The following SCOC variants were observed in gnomAD, a reference collection of about 807,000 sequenced individuals.
SCOC encodes the protein short coiled coil protein.
In SCOC, 7 loss-of-function variants were observed where a neutral mutation model predicts 9.9. That is an observed-to-expected ratio of 0.71 (90% CI 0.40 to 1.33). The LOEUF is 1.33. Ranked by LOEUF, SCOC falls within the 40% of genes most tolerant of loss-of-function variation. SCOC has a pLI of 0.01. For synonymous variants in SCOC, 19 were observed against 28.2 expected, an observed-to-expected ratio of 0.67 and a Z score of 1.03; for missense variants, 66 against 89.7, an observed-to-expected ratio of 0.74 and a Z score of 1.07.
chr4:140,335,780 C>A (rs1262697147), intron 1 of SCOC, among the ~76,000 whole-genome samples: 6 of 152,252 alleles, frequency 3.9e-5, no homozygotes, highest in East Asian at 1.9e-4. Flanking sequence ...GAGATCATGA[C>A]AAAGGGAGTG....
intron 1 of SCOC, among the ~76,000 whole-genome samples, chr4:140,287,168 T>C (rs571634608): frequency 6.8e-6 from 1 of 147,502 alleles, no homozygotes; most frequent in East Asian, 2.0e-4. Flanking sequence ...TGTACATACA[T>C]ATACCATGTA....
intron 1 of SCOC, among the ~76,000 whole-genome samples, chr4:140,269,994 T>A (rs947565473): frequency 3.3e-5 from 5 of 152,164 alleles, no homozygotes; most frequent in Admixed American, 3.3e-4. Flanking sequence ...CAACTGATCC[T>A]CCTGTCTTGG....
intron 1 of SCOC, among the ~76,000 whole-genome samples, chr4:140,285,896 A>G (rs1010622058): frequency 1.3e-5 from 2 of 152,090 alleles, no homozygotes; most frequent in Non-Finnish European, 2.9e-5. Context: ...GAATGCTTAC[A>G]TTGCTGGGCT....
At chr4:140,323,496 T>C (rs1254804027) in intron 1 of SCOC, among the ~76,000 whole-genome samples, 2 of 152,126 alleles carry the variant, frequency 1.3e-5, no homozygotes, top group Non-Finnish European at 2.9e-5. Context: ...CTGGTTAAGC[T>C]GGCCAAGAAA....
rs556165999 is a variant in SCOC at position 140,301,518 on chromosome 4, C to A, written c.-18-42103C>A. 8.5e-5 allele frequency among the ~76,000 whole-genome samples: 13 copies of A among 152,294 alleles called. No individual in the cohort carries two copies. In the East Asian group the frequency reaches 2.1e-3, roughly 25 times the overall value. Reference sequence around the variant, plus strand: ...ATTCACCCCATAGATGGCAGTGGTACCAGATGCTGGCTCCAGAGATTCATG... The same window carrying A: ...ATTCACCCCATAGATGGCAGTGGTAACAGATGCTGGCTCCAGAGATTCATG... On this transcript the variant is annotated intron_variant, in intron 1 of 4. Transcript: ENST00000394205.
chr4:140,294,572 G>C (rs1039331256), intron 1 of SCOC, among the ~76,000 whole-genome samples: 6 of 152,176 alleles, frequency 3.9e-5, no homozygotes, highest in African/African-American at 1.4e-4. Flanking sequence ...GAGGAAATGA[G>C]TCCAAATATT....
chr4:140,303,970 C>T (rs1731888308), intron 1 of SCOC, among the ~76,000 whole-genome samples: 1 of 152,208 alleles, frequency 6.6e-6, no homozygotes, highest in Non-Finnish European at 1.5e-5. Context: ...TTGTGCTGTG[C>T]TAGCCTCTTT....
At chr4:140,352,855 A>G (rs565948331) in intron 2 of SCOC, among the ~76,000 whole-genome samples, 2 of 152,202 alleles carry the variant, frequency 1.3e-5, no homozygotes, top group Non-Finnish European at 2.9e-5. Flanking sequence ...TCTCATGTTA[A>G]ATTTGTACAA....
chr4:140,306,300 T>G (rs1731982879), intron 1 of SCOC, among the ~76,000 whole-genome samples: 1 of 152,082 alleles, frequency 6.6e-6, no homozygotes, highest in African/African-American at 2.4e-5. Flanking sequence ...ACCCCTTGAT[T>G]CAATTACCTC....
Position 140,373,666 on chromosome 4 carries a change from C to A in SCOC, c.-102C>A, listed in dbSNP as rs1173661587. The A allele has an allele frequency of 6.4e-7, 1 of 1,551,280 alleles. No homozygotes were observed. The highest frequency in any genetic ancestry group is 8.7e-7 in the Non-Finnish European group (1 of 1,146,968). On this transcript the variant is annotated 5_prime_UTR_variant, in exon 1 of 4. Coordinates refer to ENST00000608372, the MANE Select transcript of SCOC (RefSeq NM_001153484.2). ...CCGGGGTCAGTTGGTCCAAGTGTCC[C>A]GGCCTGAGGTGTCGGCCGGATCCCT...
chr4:140,274,041 T>C (rs1211591501), intron 1 of SCOC, among the ~76,000 whole-genome samples: 2 of 152,218 alleles, frequency 1.3e-5, no homozygotes, highest in African/African-American at 4.8e-5. Flanking sequence ...AAAATAGTGT[T>C]TAAAGTGACA....
At chr4:140,334,389 C>A (rs1425373968) in intron 1 of SCOC, among the ~76,000 whole-genome samples, 1 of 151,948 alleles carries the variant, frequency 6.6e-6, no homozygotes, top group Non-Finnish European at 1.5e-5. Flanking sequence ...TGTAAAGATT[C>A]CTGTCTTGAT....
intron 2 of SCOC, chr4:140,366,221 T>C (rs1020226116): frequency 2.7e-6 from 2 of 732,530 alleles, no homozygotes; most frequent in Non-Finnish European, 1.8e-6. Flanking sequence ...CTTTTATTAC[T>C]TTTCTAATCA....
intron 1 of SCOC, among the ~76,000 whole-genome samples, chr4:140,262,989 C>T (rs1465228151): frequency 6.6e-6 from 1 of 152,164 alleles, no homozygotes; most frequent in Non-Finnish European, 1.5e-5. Context: ...AGGATCACAA[C>T]TCGAGATGAG....
At chr4:140,369,313 A>C (rs745772838), upstream of SCOC, 1 of 426,426 alleles carries the variant, frequency 2.3e-6, no homozygotes, top group Non-Finnish European at 4.6e-6. Context: ...TACTCACCAA[A>C]TTCAGAACAG....
upstream of SCOC, among the ~76,000 whole-genome samples, chr4:140,342,052 G>C (rs1416112023): frequency 6.6e-6 from 1 of 151,756 alleles, no homozygotes. Flanking sequence ...TCCCATCTTG[G>C]TGTCTGATTC....
At chr4:140,297,740 A>T (rs1578784098) in intron 1 of SCOC, among the ~76,000 whole-genome samples, 1 of 152,208 alleles carries the variant, frequency 6.6e-6, no homozygotes, top group Non-Finnish European at 1.5e-5. Flanking sequence ...AAAAAACAAT[A>T]TGATGGTGAA....
intron 2 of SCOC, among the ~76,000 whole-genome samples, chr4:140,352,520 G>T (rs1197376697): frequency 6.6e-6 from 1 of 152,158 alleles, no homozygotes; most frequent in Non-Finnish European, 1.5e-5. Flanking sequence ...GAGTGGTATG[G>T]CTCTAGGGTC....
chr4:140,292,592 G>A (rs967481077), intron 1 of SCOC, among the ~76,000 whole-genome samples: 13 of 152,172 alleles, frequency 8.5e-5, no homozygotes, highest in Non-Finnish European at 1.5e-4. Flanking sequence ...CCTGACTGAA[G>A]TATGCTGAAA....
Sources: allele counts gnomAD v4.1 joint callset (sites outside exome capture counted in the v4.1 genomes callset), GRCh38; gene constraint gnomAD v4.1.1; transcripts MANE v1.5; gene names NCBI Gene and HGNC (gene_info 2026-07-23, HGNC 2026-07-21).